Variants in MAN1A2 observed in about 807,000 individuals in gnomAD.
The protein encoded by MAN1A2 is mannosidase alpha class 1A member 2.
A neutral mutation model predicts 75.7 loss-of-function variants in MAN1A2; 26 were observed. The observed-to-expected ratio is 0.34, with a 90% confidence interval of 0.25 to 0.48. The LOEUF (loss-of-function observed/expected upper bound fraction) is 0.48. Ranked by LOEUF, MAN1A2 falls within the 20% of genes least tolerant of loss-of-function variation. MAN1A2 has a pLI of 0.99. For missense variants in MAN1A2, 562 were observed against 775.5 expected (o/e 0.72, Z 3.27); for synonymous variants, 247 against 264.6 (o/e 0.93, Z 0.65).
intron 1 of MAN1A2, among the ~76,000 whole-genome samples, chr1:117,386,724 A>G (rs1219083173): frequency 2.2e-5 from 1 of 46,346 alleles, no homozygotes; most frequent in African/African-American, 1.5e-4. Flanking sequence ...TCAGTGGCTC[A>G]TCCCTGTCTC....
At chr1:117,460,024 C>T (rs1446822965) in intron 6 of MAN1A2, among the ~76,000 whole-genome samples, 2 of 150,864 alleles carry the variant, frequency 1.3e-5, no homozygotes, top group Non-Finnish European at 2.9e-5. Context: ...GTGGGGCATT[C>T]CACTTGAGAA....
intron 6 of MAN1A2, among the ~76,000 whole-genome samples, chr1:117,450,128 A>G (rs976609897): frequency 6.6e-6 from 1 of 152,202 alleles, no homozygotes; most frequent in African/African-American, 2.4e-5. Context: ...GAATGGCTTT[A>G]CCTAAAATGC....
At chr1:117,445,870 G>GTATA (rs1342445541) in intron 6 of MAN1A2, among the ~76,000 whole-genome samples, 22 of 114,700 alleles carry the variant, frequency 1.9e-4, no homozygotes, top group Admixed American at 4.3e-4. Context: ...ATGTGTGTGT[G>GTATA]TGTCTGTGTG....
intron 8 of MAN1A2, among the ~76,000 whole-genome samples, chr1:117,484,789 TATAATAG>T: frequency 6.6e-6 from 1 of 152,102 alleles, no homozygotes; most frequent in South Asian, 2.1e-4. Flanking sequence ...TTTAACTTTT[TATAATAG>T]ATTTGTATTT....
intron 8 of MAN1A2, among the ~76,000 whole-genome samples, chr1:117,491,836 G>T (rs1650890443): frequency 6.6e-6 from 1 of 151,996 alleles, no homozygotes; most frequent in Non-Finnish European, 1.5e-5. Flanking sequence ...GATTTTGAGG[G>T]GTTCAAACTC....
At chr1:117,505,444 G>A (rs975048235) in intron 12 of MAN1A2, among the ~76,000 whole-genome samples, 1 of 150,950 alleles carries the variant, frequency 6.6e-6, no homozygotes, top group Non-Finnish European at 1.5e-5. Context: ...CAACACAACA[G>A]TATGCTAGGT....
At chr1:117,385,669 A>G (rs927579707) in intron 1 of MAN1A2, among the ~76,000 whole-genome samples, 1 of 152,324 alleles carries the variant, frequency 6.6e-6, no homozygotes, top group East Asian at 1.9e-4. Flanking sequence ...TTGTATTACA[A>G]ATAATTACAG....
intron 12 of MAN1A2, among the ~76,000 whole-genome samples, chr1:117,507,331 G>A (rs1401342667): frequency 2.6e-5 from 4 of 151,634 alleles, no homozygotes; most frequent in Non-Finnish European, 5.9e-5. Context: ...ATGAAAGCTA[G>A]AAGCATTGGA....
intron 12 of MAN1A2, among the ~76,000 whole-genome samples, chr1:117,514,070 G>A (rs1037654299): frequency 6.6e-6 from 1 of 152,030 alleles, no homozygotes; most frequent in Non-Finnish European, 1.5e-5. Context: ...TCTATGTTTG[G>A]AAGTTTTACA....
intron 1 of MAN1A2, among the ~76,000 whole-genome samples, chr1:117,384,420 CTAT>C (rs560683725): frequency 9.7e-4 from 147 of 152,108 alleles, no homozygotes; most frequent in African/African-American, 3.4e-3. Context: ...CATTTTCCTT[CTAT>C]TATTAATATC....
In MAN1A2 at chr1:117,526,880, C is replaced by CTCTCTATATATATATATATATA; in HGVS notation, c.*3924_*3925insCTCTATATATATATATATATAT. ...TCTCTCTCTCTCTCTCTCTCTCTCT[C>CTCTCTATATATATATATATATA]TATATATATATATATATATATATAT... On this transcript the variant is annotated 3_prime_UTR_variant, in exon 13 of 13. Coordinates refer to ENST00000356554, the MANE Select transcript of MAN1A2 (RefSeq NM_006699.5). The CTCTCTATATATATATATATATA allele has an allele frequency of 1.8e-4, 10 of 54,514 alleles. No individual in the cohort carries two copies. Among genetic ancestry groups the CTCTCTATATATATATATATATA allele is most frequent in the South Asian group, 6.4e-4 (1 of 1,566 alleles). 3.4% of individuals were successfully genotyped at this position (54,514 alleles called of 1,614,324 possible).
intron 5 of MAN1A2, among the ~76,000 whole-genome samples, chr1:117,429,245 CCCCACCTTT>C (rs1269305561): frequency 7.0e-6 from 1 of 143,328 alleles, no homozygotes; most frequent in Admixed American, 6.8e-5. Context: ...TCAATCTTTT[CCCCACCTTT>C]CCCGCCTTTC....
At chr1:117,420,529 C>T in intron 4 of MAN1A2, 40 bp from the exon 5 acceptor site, 1 of 1,342,906 alleles carries the variant, frequency 7.4e-7, no homozygotes, top group Non-Finnish European at 1.1e-6. Context: ...AACTATAAAG[C>T]ATTACGTATT....
intron 6 of MAN1A2, among the ~76,000 whole-genome samples, chr1:117,448,650 A>G (rs768952442): frequency 1.1e-4 from 17 of 152,300 alleles, no homozygotes; most frequent in African/African-American, 3.8e-4. Context: ...AACAATAGAA[A>G]CCACCTAAAC....
chr1:117,429,257 C>T (rs1490236413), intron 5 of MAN1A2, among the ~76,000 whole-genome samples: 3 of 142,264 alleles, frequency 2.1e-5, no homozygotes, highest in Non-Finnish European at 3.1e-5. Flanking sequence ...CCACCTTTCC[C>T]GCCTTTCTAT....
Position 117,525,215 on chromosome 1 carries a change from G to T in MAN1A2, c.*2258G>T, listed in dbSNP as rs1651977853. The T allele has an allele frequency of 8.3e-6, 4 of 480,548 alleles. No homozygotes were observed. Among genetic ancestry groups the T allele is most frequent in the African/African-American group, 3.9e-5 (2 of 50,878 alleles). The allele number at this position is 480,548 out of a possible 1,614,324, so 29.8% of individuals were successfully genotyped here. The stretch of plus-strand genomic sequence containing the variant: ...CAGAGCCAGTTCTGGTACAAACAAA[G>T]AATTTGACAGGGACAATGGAAGGGT... On this transcript the variant is annotated 3_prime_UTR_variant, in exon 13 of 13. Transcript: ENST00000356554.
At position 117,526,878 on chromosome 1, in the gene MAN1A2, CTCTA is replaced by C. The variant is rs1390623569; in HGVS notation, c.*3923_*3926del. On this transcript the variant is annotated 3_prime_UTR_variant, in exon 13 of 13. Coordinates refer to ENST00000356554, the MANE Select transcript of MAN1A2 (RefSeq NM_006699.5). ...TCTCTCTCTCTCTCTCTCTCTCTCT[CTCTA>C]TATATATATATATATATATATATAT... 0.036 allele frequency: 2,149 copies of C among 60,390 alleles called. 9 individuals are homozygous for C. The highest frequency in any genetic ancestry group is 0.041 in the Non-Finnish European group (1,161 of 28,582). The allele number at this position is 60,390 out of a possible 1,614,324, so 3.7% of individuals were successfully genotyped here.
At chr1:117,490,518 C>T (rs1382881315) in intron 8 of MAN1A2, among the ~76,000 whole-genome samples, 1 of 152,010 alleles carries the variant, frequency 6.6e-6, no homozygotes, top group African/African-American at 2.4e-5. Flanking sequence ...TTTGGTCTCC[C>T]TATTCTTTGA....
At chr1:117,401,528 GAAA>G (rs1423443753) in intron 1 of MAN1A2, among the ~76,000 whole-genome samples, 1 of 152,168 alleles carries the variant, frequency 6.6e-6, no homozygotes, top group Non-Finnish European at 1.5e-5. Flanking sequence ...GGGCTGGGTG[GAAA>G]ACGGTGTAGG....
Sources: allele counts gnomAD v4.1 joint callset (sites outside exome capture counted in the v4.1 genomes callset), GRCh38; gene constraint gnomAD v4.1.1; transcripts MANE v1.5; gene names NCBI Gene and HGNC (gene_info 2026-07-23, HGNC 2026-07-21).